ADK: variants seen among roughly 807,000 people sequenced by gnomAD.
ADK encodes adenosine kinase, also known as N6,N6-dimethyladenosine kinase.
Under a neutral mutation model 44.7 loss-of-function variants are expected in ADK, and 24 were observed. The ratio of observed to expected loss-of-function variants is 0.54; its 90% CI spans 0.39 to 0.76. The LOEUF (loss-of-function observed/expected upper bound fraction) is 0.76. ADK is among the 30% of genes least tolerant of loss of function. The pLI is 0.00. For missense variants in ADK, 321 were observed against 425.1 expected, an observed-to-expected ratio of 0.76 and a Z score of 2.15; for synonymous variants, 128 against 142.6, an observed-to-expected ratio of 0.90 and a Z score of 0.73.
At chr10:74,507,293 GTCTT>G (rs1848118507) in intron 6 of ADK, among the ~76,000 whole-genome samples, 1 of 152,262 alleles carries the variant, frequency 6.6e-6, no homozygotes, top group South Asian at 2.1e-4. Flanking sequence ...AAAGGCAGCA[GTCTT>G]TCTTTTTTCT....
chr10:74,316,695 C>T (rs1840632540), intron 4 of ADK, among the ~76,000 whole-genome samples: 1 of 152,260 alleles, frequency 6.6e-6, no homozygotes, highest in African/African-American at 2.4e-5. Context: ...TCAGGCAGTT[C>T]TTTACAGTAG....
intron 4 of ADK, among the ~76,000 whole-genome samples, chr10:74,345,133 A>G (rs775135630): frequency 6.6e-6 from 1 of 152,168 alleles, no homozygotes; most frequent in African/African-American, 2.4e-5. Context: ...ATCTCTTGTT[A>G]TATAGGTCTG....
chr10:74,208,609 T>G (rs947849314), intron 2 of ADK, among the ~76,000 whole-genome samples: 2 of 152,142 alleles, frequency 1.3e-5, no homozygotes, highest in African/African-American at 4.8e-5. Flanking sequence ...TCCTGGCTAT[T>G]TCTTCCAAAT....
At chr10:74,517,945 T>G (rs1248778389) in intron 6 of ADK, among the ~76,000 whole-genome samples, 1 of 152,152 alleles carries the variant, frequency 6.6e-6, no homozygotes, top group African/African-American at 2.4e-5. Context: ...GATTTATACA[T>G]TATCTTAATC....
intron 7 of ADK, among the ~76,000 whole-genome samples, chr10:74,585,083 T>A (rs911030179): frequency 6.6e-6 from 1 of 152,214 alleles, no homozygotes; most frequent in African/African-American, 2.4e-5. Flanking sequence ...TTTTTAATAG[T>A]GGCTTGCTGA....
At chr10:74,424,569 T>C (rs1489304705) in intron 6 of ADK, among the ~76,000 whole-genome samples, 2 of 116,430 alleles carry the variant, frequency 1.7e-5, no homozygotes, top group African/African-American at 7.9e-5. Context: ...AAAAAAAAAA[T>C]TCCCCTGCCT....
At chr10:74,417,374 C>T (rs1335848419) in intron 6 of ADK, among the ~76,000 whole-genome samples, 2 of 152,080 alleles carry the variant, frequency 1.3e-5, no homozygotes, top group Admixed American at 6.6e-5. Flanking sequence ...ATTTTTATTT[C>T]AGTCTGTCAG....
At chr10:74,476,930 A>C (rs1846871863) in intron 6 of ADK, among the ~76,000 whole-genome samples, 1 of 152,184 alleles carries the variant, frequency 6.6e-6, no homozygotes, top group Admixed American at 6.5e-5. Flanking sequence ...TTACTTAGCA[A>C]AATTCATTTA....
chr10:74,217,249 A>G (rs920014663), intron 2 of ADK, among the ~76,000 whole-genome samples: 1 of 152,242 alleles, frequency 6.6e-6, no homozygotes, highest in Non-Finnish European at 1.5e-5. Flanking sequence ...TCCTACGCCC[A>G]CGGAGTCTTG....
intron 3 of ADK, among the ~76,000 whole-genome samples, chr10:74,303,985 G>A (rs1366347127): frequency 6.6e-6 from 1 of 150,454 alleles, no homozygotes; most frequent in East Asian, 2.0e-4. Context: ...AAAAAAAAAG[G>A]TATTGTCAAA....
chr10:74,290,080 A>G (rs10824141), intron 3 of ADK, among the ~76,000 whole-genome samples: 568 of 49,080 alleles, frequency 0.012, 4 homozygotes, highest in Middle Eastern at 0.036. Context: ...ACTCACGCGC[A>G]CACACACACA....
chr10:74,200,486 A>C (rs1438792299), intron 1 of ADK, among the ~76,000 whole-genome samples: 2 of 89,868 alleles, frequency 2.2e-5, no homozygotes, highest in Non-Finnish European at 4.4e-5. Context: ...CTCCGTGTCC[A>C]AAAAAAAAAA....
Position 74,295,187 on chromosome 10 carries a change from T to C in ADK, c.195-19480T>C, listed in dbSNP as rs550155372. 1.5e-3 allele frequency among the ~76,000 whole-genome samples: 232 copies of C among 151,550 alleles called. 1 individual carries two copies. The highest frequency in any genetic ancestry group is 2.8e-3 in the Non-Finnish European group (191 of 67,874). On this transcript the variant is annotated intron_variant, in intron 3 of 10. Coordinates refer to ENST00000539909, the MANE Select transcript of ADK (RefSeq NM_006721.4). Reference sequence around the variant, plus strand: ...AGAATTTTTAATGAATTTGGCTGGATGTGGTGGCTCACACCCGTAATCCCA... The same window carrying C: ...AGAATTTTTAATGAATTTGGCTGGACGTGGTGGCTCACACCCGTAATCCCA...
At position 74,316,094 on chromosome 10, in the gene ADK, G is replaced by A. The variant is rs570041395; in HGVS notation, c.273+1349G>A. ...CTCTCCTAAAAAAATACAAAAATTAGCCAGGTGTGGTGGCATATGTCTCTA... is the reference window on the plus strand; with the variant it reads ...CTCTCCTAAAAAAATACAAAAATTAACCAGGTGTGGTGGCATATGTCTCTA... On this transcript the variant is annotated intron_variant, in intron 4 of 10. Transcript: ENST00000539909. Among the ~76,000 whole-genome samples the A allele has an allele frequency of 4.6e-5, 7 of 152,188 alleles. No homozygotes were observed. The East Asian group carries it at 1.4e-3, about 29-fold the overall frequency.
intron 7 of ADK, among the ~76,000 whole-genome samples, chr10:74,579,137 G>C (rs1224723896): frequency 6.6e-6 from 1 of 151,918 alleles, no homozygotes; most frequent in South Asian, 2.1e-4. Flanking sequence ...GGGAGACTGA[G>C]GCATGAGAAT....
intron 10 of ADK, among the ~76,000 whole-genome samples, chr10:74,706,838 C>T (rs982643107): frequency 2.0e-5 from 3 of 152,092 alleles, no homozygotes; most frequent in African/African-American, 7.2e-5. Flanking sequence ...TCCTGCAGAA[C>T]TGATAATATT....
chr10:74,690,144 A>G (rs1459091916), intron 10 of ADK, among the ~76,000 whole-genome samples: 2 of 152,182 alleles, frequency 1.3e-5, no homozygotes, highest in Admixed American at 6.5e-5. Context: ...CCCAAAAGCA[A>G]TGTAATATGC....
chr10:74,551,109 A>G (rs576405595), intron 7 of ADK, among the ~76,000 whole-genome samples: 78 of 152,328 alleles, frequency 5.1e-4, no homozygotes, highest in Non-Finnish European at 6.6e-4. Context: ...ACTAATAGAC[A>G]AAGGATAGAA....
chr10:74,245,160 AG>A (rs937200916), intron 3 of ADK, among the ~76,000 whole-genome samples: 46 of 152,210 alleles, frequency 3.0e-4, no homozygotes, highest in Admixed American at 5.9e-4. Flanking sequence ...TTCTTCTGGA[AG>A]GGTACATGTA....
Sources: gnomAD v4.1 joint callset for allele counts (sites outside exome capture counted in the v4.1 genomes callset) on GRCh38, gnomAD v4.1.1 for gene constraint, MANE v1.5 for transcripts, NCBI Gene and HGNC (gene_info 2026-07-23, HGNC 2026-07-21) for gene names.